The following ICA1 variants were observed in gnomAD, a reference collection of about 807,000 sequenced individuals.
The protein encoded by ICA1 is islet cell autoantigen 1.
In ICA1, 40 loss-of-function variants were observed where a neutral mutation model predicts 71.0. The observed-to-expected ratio is 0.56, with a 90% CI of 0.44 to 0.73. The LOEUF (loss-of-function observed/expected upper bound fraction) is 0.73, where lower values mean the gene tolerates loss of function less well. Ranked by LOEUF, ICA1 falls within the 30% of genes least tolerant of loss-of-function variation. ICA1 has a pLI of 0.00. For missense variants in ICA1, 578 were observed against 576.5 expected, an observed-to-expected ratio of 1.00 and a Z score of -0.03; for synonymous variants, 207 against 209.5, an observed-to-expected ratio of 0.99 and a Z score of 0.10.
In ICA1 at chr7:8,187,732, A is replaced by G. The variant is rs144271346; in HGVS notation, c.580-29080T>C. Among the ~76,000 whole-genome samples the G allele has an allele frequency of 5.6e-3, 857 of 152,300 alleles. 4 individuals are homozygous for G. The highest frequency in any genetic ancestry group is 0.02 in the African/African-American group (818 of 41,560). On this transcript the variant is annotated intron_variant, in intron 6 of 13. Transcript: ENST00000402384. ...AAAGATTTCTTTATATCCTTATTCT[A>G]TAAGCTTTTTTCTATCTTTAACTTT...
At chr7:8,215,275 G>A (rs1252832747) in intron 6 of ICA1, among the ~76,000 whole-genome samples, 1 of 152,120 alleles carries the variant, frequency 6.6e-6, no homozygotes, top group Non-Finnish European at 1.5e-5. Context: ...TAAGCACGCT[G>A]CTCCTTTCCC....
At chr7:8,235,681 T>A (rs1287477113) in intron 2 of ICA1, among the ~76,000 whole-genome samples, 1 of 152,190 alleles carries the variant, frequency 6.6e-6, no homozygotes, top group Non-Finnish European at 1.5e-5. Context: ...AAGTTACACA[T>A]AAATGAATTT....
chr7:8,218,582 A>G (rs1415638586), intron 5 of ICA1, 79 bp from the exon 6 acceptor site: 9 of 1,155,936 alleles, frequency 7.8e-6, no homozygotes, highest in Non-Finnish European at 1.2e-5. Context: ...CCAATCTTAG[A>G]CTCGTGAGTC....
At chr7:8,138,736 A>C (rs1794210971) in intron 12 of ICA1, 104 bp downstream of exon 12, 1 of 987,256 alleles carries the variant, frequency 1.0e-6, no homozygotes, top group Non-Finnish European at 1.5e-6. Flanking sequence ...TTTCCTTTGG[A>C]ATGCAAAGCT....
At chr7:8,181,115 G>A (rs1247664473) in intron 6 of ICA1, among the ~76,000 whole-genome samples, 1 of 151,948 alleles carries the variant, frequency 6.6e-6, no homozygotes, top group African/African-American at 2.4e-5. Flanking sequence ...TTCTGTCTTT[G>A]GACTTTTAAG....
chr7:8,176,450 T>G (rs1312459488), intron 6 of ICA1, among the ~76,000 whole-genome samples: 1 of 152,232 alleles, frequency 6.6e-6, no homozygotes, highest in African/African-American at 2.4e-5. Flanking sequence ...GACGCCCTTA[T>G]GAGACAAAAC....
chr7:8,182,580 T>G (rs1782544371), intron 6 of ICA1, among the ~76,000 whole-genome samples: 1 of 152,196 alleles, frequency 6.6e-6, no homozygotes, highest in Admixed American at 6.5e-5. Flanking sequence ...CCTGGGATCC[T>G]AGTAGTTATC....
intron 13 of ICA1, among the ~76,000 whole-genome samples, chr7:8,124,270 A>G (rs1177105940): frequency 3.3e-5 from 5 of 151,712 alleles, no homozygotes; most frequent in East Asian, 1.9e-4. Flanking sequence ...ACAGGCACGC[A>G]CCAGCATGCC....
At chr7:8,171,217 G>A (rs1045687081) in intron 6 of ICA1, among the ~76,000 whole-genome samples, 1 of 121,612 alleles carries the variant, frequency 8.2e-6, no homozygotes, top group Non-Finnish European at 2.0e-5. Flanking sequence ...ATGTAAAGTT[G>A]ATATTATTTC....
At position 8,113,515 on chromosome 7, in the gene ICA1, G is replaced by A. The variant is rs935811923; in HGVS notation, c.*408C>T. 5 of 162,552 alleles carry A rather than the reference G, an allele frequency of 3.1e-5. No individual in the cohort carries two copies. Among genetic ancestry groups the A allele is most frequent in the African/African-American group, 7.2e-5 (3 of 41,650 alleles). 10.1% of individuals were successfully genotyped at this position (162,552 alleles called of 1,614,324 possible). A position where few individuals can be genotyped will look rare whatever the true frequency, so the allele number is the denominator to read the frequency against. On this transcript the variant is annotated 3_prime_UTR_variant, in exon 14 of 14. Coordinates refer to ENST00000402384, the MANE Select transcript of ICA1 (RefSeq NM_001136020.3). The surrounding 1 kb of genome is among the most constrained non-coding windows in gnomAD (Gnocchi z 4.2). ...CCTCCTCCAAGGGGGACAGAGGCTG[G>A]GGGCAGAGAAGGAGGCATTTAAGCT...
intron 8 of ICA1, among the ~76,000 whole-genome samples, chr7:8,155,668 A>G (rs1801236885): frequency 6.6e-6 from 1 of 152,230 alleles, no homozygotes; most frequent in African/African-American, 2.4e-5. Context: ...CCCGATGCAC[A>G]TGCATGCCCT....
chr7:8,249,491 G>C (rs1454774747), intron 1 of ICA1, among the ~76,000 whole-genome samples: 2 of 152,200 alleles, frequency 1.3e-5, no homozygotes, highest in African/African-American at 2.4e-5. Flanking sequence ...TTGGAGGATG[G>C]ACATTCAATG....
intron 8 of ICA1, among the ~76,000 whole-genome samples, chr7:8,152,845 C>CCACCAT: frequency 7.4e-6 from 1 of 135,412 alleles, no homozygotes; most frequent in African/African-American, 2.9e-5. Flanking sequence ...CCCACCACTA[C>CCACCAT]CACCATCACC....
At chr7:8,253,557 C>A (rs1469579356) in intron 1 of ICA1, among the ~76,000 whole-genome samples, 1 of 151,996 alleles carries the variant, frequency 6.6e-6, no homozygotes, top group East Asian at 1.9e-4. Flanking sequence ...ATAGGTCCAC[C>A]TATACACCAG....
In ICA1 at chr7:8,226,820, T is replaced by G. The variant is rs563663954; in HGVS notation, c.256+1781A>C. Among the ~76,000 whole-genome samples, 1 of 152,354 alleles carries G rather than the reference T, an allele frequency of 6.6e-6. No homozygotes were observed. The highest frequency in any genetic ancestry group is 2.4e-5 in the African/African-American group (1 of 41,594). On this transcript the variant is annotated intron_variant, in intron 4 of 13. Coordinates refer to ENST00000402384, the MANE Select transcript of ICA1 (RefSeq NM_001136020.3). This position sits in a 1 kb window ranked among gnomAD's most constrained non-coding sequence, Gnocchi z 4.4. The stretch of plus-strand genomic sequence containing the variant: ...TATTCTAACCCTTTATATTACAAGA[T>G]AATTATGAGCCTTCATGGTGTTCAA...
At chr7:8,171,810 T>C (rs915661098) in intron 6 of ICA1, among the ~76,000 whole-genome samples, 2 of 152,004 alleles carry the variant, frequency 1.3e-5, no homozygotes, top group Admixed American at 1.3e-4. Context: ...TGTGTTCTGA[T>C]TTCAATTATT....
rs1796150054 is a variant in ICA1, at chr7:8,144,183, C to T, written c.805-211G>A. ...GGTGAAGCAACAATGTTCTCAGACA[C>T]ATCCGAGAAATACTAGCATATATAG... On this transcript the variant is annotated intron_variant, in intron 8 of 13. Coordinates refer to ENST00000402384, the MANE Select transcript of ICA1 (RefSeq NM_001136020.3). The surrounding 1 kb of genome is among the most constrained non-coding windows in gnomAD (Gnocchi z 4.5). Among the ~76,000 whole-genome samples, 1 of 152,198 alleles carries T rather than the reference C, an allele frequency of 6.6e-6. No homozygotes were observed. Among genetic ancestry groups the T allele is most frequent in the South Asian group, 2.1e-4 (1 of 4,830 alleles).
At chr7:8,129,993 T>C (rs560026493) in intron 12 of ICA1, among the ~76,000 whole-genome samples, 5 of 151,998 alleles carry the variant, frequency 3.3e-5, no homozygotes, top group East Asian at 3.9e-4. Flanking sequence ...CTGAGAATGA[T>C]GGTTTCCAGC....
rs78092358 is a variant in ICA1, at chr7:8,162,062, G to A, written c.580-3410C>T. Among the ~76,000 whole-genome samples the A allele has an allele frequency of 6.9e-3, 1,056 of 152,262 alleles. 8 individuals carry two copies. The highest frequency in any genetic ancestry group is 0.012 in the Non-Finnish European group (805 of 68,012). On this transcript the variant is annotated intron_variant, in intron 6 of 13. Transcript: ENST00000402384. ...ATATGGAACCTCTAGATTTTCTAAC[G>A]AAATGCGAATTAACTTTTTCTGCAG...
Sources: allele counts gnomAD v4.1 joint callset (sites outside exome capture counted in the v4.1 genomes callset), GRCh38; gene constraint gnomAD v4.1.1; non-coding constraint Gnocchi (gnomAD v3.1); transcripts MANE v1.5; gene names NCBI Gene and HGNC (gene_info 2026-07-23, HGNC 2026-07-21).